Variants in SUGCT observed in about 807,000 individuals in gnomAD.
SUGCT encodes succinyl-CoA:glutarate-CoA transferase, also known as succinyl-CoA:glutarate CoA-transferase.
A neutral mutation model predicts 55.0 loss-of-function variants in SUGCT; 41 were observed. That is an observed-to-expected ratio of 0.74 (90% CI 0.58 to 0.97). The LOEUF (loss-of-function observed/expected upper bound fraction) is 0.97, where lower values mean the gene tolerates loss of function less well. Among genes scored for constraint, SUGCT ranks in the 50% least tolerant of loss-of-function variants. The pLI, the probability that SUGCT is intolerant of heterozygous loss-of-function variation, is 0.00. For missense variants in SUGCT, 568 were observed against 547.8 expected (o/e 1.04, Z -0.37); for synonymous variants, 187 against 200.4 (o/e 0.93, Z 0.56).
At chr7:40,865,895 C>T in the SUGCT span, among the ~76,000 whole-genome samples, 1 of 152,176 alleles carries the variant, frequency 6.6e-6, no homozygotes, top group African/African-American at 2.4e-5. Context: ...CCTTTGCTTT[C>T]TTCTCCCAGC....
rs532298437 is a variant in SUGCT at position 40,330,621 on chromosome 7, G to A, written c.816+13766G>A. Among the ~76,000 whole-genome samples the A allele has an allele frequency of 9.9e-5, 15 of 152,238 alleles. No homozygotes were observed. In the South Asian group the frequency reaches 3.1e-3, roughly 32 times the overall value. On this transcript the variant is annotated intron_variant, in intron 9 of 13. Transcript: ENST00000335693. ...ACAAGGTTAGCAAACAAGTCATAAAGTAGCAAGTGTTTGTGTGTGCTTGAG... is the reference window on the plus strand; with the variant it reads ...ACAAGGTTAGCAAACAAGTCATAAAATAGCAAGTGTTTGTGTGTGCTTGAG...
intron 9 of SUGCT, among the ~76,000 whole-genome samples, chr7:40,430,829 G>T (rs1787853356): frequency 6.6e-6 from 1 of 152,022 alleles, no homozygotes; most frequent in Non-Finnish European, 1.5e-5. Flanking sequence ...ATAATGGCCT[G>T]TGGGCCGGGC....
chr7:40,990,468 T>C, the SUGCT span, among the ~76,000 whole-genome samples: 2 of 152,158 alleles, frequency 1.3e-5, no homozygotes, highest in African/African-American at 4.8e-5. Context: ...ACAGGCAGAG[T>C]ATCTTTAGCA....
chr7:41,006,601 A>G, the SUGCT span, among the ~76,000 whole-genome samples: 1 of 152,216 alleles, frequency 6.6e-6, no homozygotes, highest in South Asian at 2.1e-4. Flanking sequence ...AAAATTAAGT[A>G]CTTTTGCAAA....
intron 12 of SUGCT, among the ~76,000 whole-genome samples, chr7:40,667,043 A>T (rs561818812): frequency 1.3e-5 from 2 of 149,516 alleles, no homozygotes; most frequent in East Asian, 4.0e-4. Flanking sequence ...TAAGCCTGGG[A>T]GGTCAAGGCT....
At chr7:40,759,732 A>T (rs1164763245) in intron 13 of SUGCT, among the ~76,000 whole-genome samples, 1 of 152,090 alleles carries the variant, frequency 6.6e-6, no homozygotes, top group Non-Finnish European at 1.5e-5. Context: ...GTTGACATTT[A>T]TTTAAATAAT....
the SUGCT span, among the ~76,000 whole-genome samples, chr7:41,021,640 C>T: frequency 4.6e-5 from 7 of 151,414 alleles, no homozygotes; most frequent in East Asian, 1.9e-4. Context: ...AACTAGAGGT[C>T]ATGGAATAAT....
At chr7:40,345,066 T>C (rs954218332) in intron 9 of SUGCT, among the ~76,000 whole-genome samples, 2 of 152,168 alleles carry the variant, frequency 1.3e-5, no homozygotes, top group Admixed American at 1.3e-4. Context: ...AATATTACCA[T>C]ATACAAATAA....
chr7:40,377,016 A>G lies in SUGCT; in HGVS notation c.816+60161A>G, dbSNP rs1784581138. On this transcript the variant is annotated intron_variant, in intron 9 of 13. Transcript: ENST00000335693. ...TCATGGTTTTTGGTAGGAAATCCATAGTCATTTGAGCTATAGTTCCCATAT... is the reference window on the plus strand; with the variant it reads ...TCATGGTTTTTGGTAGGAAATCCATGGTCATTTGAGCTATAGTTCCCATAT... Among the ~76,000 whole-genome samples, 3 of 151,514 alleles carry G rather than the reference A, an allele frequency of 2.0e-5. No homozygotes were observed. The South Asian group carries it at 6.3e-4, about 32-fold the overall frequency.
At chr7:40,586,733 A>G (rs1797402801) in intron 12 of SUGCT, among the ~76,000 whole-genome samples, 3 of 152,212 alleles carry the variant, frequency 2.0e-5, no homozygotes. Flanking sequence ...CTCGAAGAAT[A>G]TAAGTAATTT....
intron 13 of SUGCT, among the ~76,000 whole-genome samples, chr7:40,818,268 A>C (rs1342738841): frequency 6.6e-6 from 1 of 152,222 alleles, no homozygotes; most frequent in Non-Finnish European, 1.5e-5. Context: ...CCTTGGATGC[A>C]CTTCCATATT....
intron 9 of SUGCT, among the ~76,000 whole-genome samples, chr7:40,448,961 T>TAGAGAG (rs1163648397): frequency 4.9e-5 from 7 of 144,074 alleles, no homozygotes; most frequent in African/African-American, 1.6e-4. Flanking sequence ...TATATATATA[T>TAGAGAG]AGAGAGAGAG....
intron 6 of SUGCT, among the ~76,000 whole-genome samples, chr7:40,208,462 T>C (rs897349371): frequency 1.3e-5 from 2 of 152,224 alleles, no homozygotes; most frequent in Non-Finnish European, 2.9e-5. Context: ...AGAAAATGTT[T>C]TAATATGTCT....
chr7:40,135,371 C>T (rs907229491), intron 1 of SUGCT, among the ~76,000 whole-genome samples: 11 of 152,232 alleles, frequency 7.2e-5, no homozygotes, highest in African/African-American at 2.7e-4. Context: ...CGCTCCTGCG[C>T]GTCCCGCGGC....
intron 1 of SUGCT, among the ~76,000 whole-genome samples, chr7:40,146,619 T>C (rs1273983046): frequency 6.6e-6 from 1 of 152,276 alleles, no homozygotes; most frequent in African/African-American, 2.4e-5. Context: ...AAGGCACAGA[T>C]CGCTCATGCT....
chr7:40,901,759 G>A, the SUGCT span, among the ~76,000 whole-genome samples: 1,894 of 152,240 alleles, frequency 0.012, 34 homozygotes, highest in African/African-American at 0.043. Flanking sequence ...TTCTCATGGG[G>A]GATAAATTGA....
At chr7:40,389,866 A>G (rs1785326444) in intron 9 of SUGCT, among the ~76,000 whole-genome samples, 1 of 152,236 alleles carries the variant, frequency 6.6e-6, no homozygotes, top group Non-Finnish European at 1.5e-5. Context: ...TCTGATGAAC[A>G]TCAATGCAAA....
chr7:40,725,983 G>C (rs1786594025), intron 12 of SUGCT, among the ~76,000 whole-genome samples: 1 of 152,148 alleles, frequency 6.6e-6, no homozygotes, highest in South Asian at 2.1e-4. Flanking sequence ...GCAGTCATTA[G>C]AAGATAATAT....
intron 13 of SUGCT, among the ~76,000 whole-genome samples, chr7:40,783,181 C>T (rs934342370): frequency 6.6e-6 from 1 of 152,152 alleles, no homozygotes; most frequent in Non-Finnish European, 1.5e-5. Flanking sequence ...TCACAACATC[C>T]AAAAGCTTGC....
Sources: gnomAD v4.1 joint callset for allele counts (sites outside exome capture counted in the v4.1 genomes callset) on GRCh38, gnomAD v4.1.1 for gene constraint, MANE v1.5 for transcripts, NCBI Gene and HGNC (gene_info 2026-07-23, HGNC 2026-07-21) for gene names.